Variants in SUN1 observed in about 807,000 individuals in gnomAD.
SUN1 encodes SUN domain-containing protein 1.
SUN1 carries 61 observed loss-of-function variants against 103.2 expected under a neutral mutation model. That is an observed-to-expected ratio of 0.59 (90% CI 0.48 to 0.73). SUN1 has a LOEUF of 0.73. SUN1 is among the 30% of genes least tolerant of loss of function. The pLI is 0.00. For missense variants in SUN1, 1,052 were observed against 1,034.6 expected, an observed-to-expected ratio of 1.02 and a Z score of -0.23; for synonymous variants, 490 against 425.7, an observed-to-expected ratio of 1.15 and a Z score of -1.86.
In SUN1 at chr7:843,393, C is replaced by T. The variant is rs1264934996; in HGVS notation, c.531C>T (p.Ala177=). ...QGNGDVGAAA[A]TAHNGFSCSN... Reference sequence around the variant, plus strand: ...ACGGGGATGTGGGAGCCGCCGCCGCCACCGCGCACAACGGCTTCTCCTGCA... The same window carrying T: ...ACGGGGATGTGGGAGCCGCCGCCGCTACCGCGCACAACGGCTTCTCCTGCA... The change falls in exon 5 of 19, where the codon GCC becomes GCT. Residue 177 remains alanine (A), a synonymous_variant. Transcript: ENST00000401592. The T allele has an allele frequency of 1.2e-6, 2 of 1,611,410 alleles. No homozygotes were observed. The highest frequency in any genetic ancestry group is 2.7e-5 in the African/African-American group (2 of 74,880).
At chr7:862,098 GAGAGCT>G (rs1021567966) in intron 15 of SUN1, among the ~76,000 whole-genome samples, 2 of 152,240 alleles carry the variant, frequency 1.3e-5, no homozygotes, top group African/African-American at 4.8e-5. Context: ...ACCGTGAGAG[GAGAGCT>G]AGACCTGCTT....
At position 874,581 on chromosome 7, in the gene SUN1, CTA is replaced by C. The variant is rs537504774; in HGVS notation, c.*1252_*1253del. The C allele has an allele frequency of 1.9e-3, 288 of 152,586 alleles. 2 individuals carry two copies. Among genetic ancestry groups the C allele is most frequent in the African/African-American group, 6.7e-3 (277 of 41,562 alleles). The allele number at this position is 152,586 out of a possible 1,614,324, so 9.5% of individuals were successfully genotyped here. On this transcript the variant is annotated 3_prime_UTR_variant, in exon 19 of 19. Coordinates refer to ENST00000401592, the MANE Select transcript of SUN1 (RefSeq NM_001130965.3). Reference sequence around the variant, plus strand: ...TCCTCAAATACACTGATGTATGAAACTATTCATACATCAAGCAGCATTTTTTT... The same window carrying C: ...TCCTCAAATACACTGATGTATGAAACTTCATACATCAAGCAGCATTTTTTT...
In SUN1 at chr7:870,853, A is replaced by G. The variant is rs543080900; in HGVS notation, c.2148+1337A>G. On this transcript the variant is annotated intron_variant, in intron 17 of 18. Transcript: ENST00000401592. ...GCATGTTGTACGGCCGAGTCGGTGC[A>G]CTGTGTTACTAGCATTTTCTTTTTA... 3.6e-3 allele frequency among the ~76,000 whole-genome samples: 543 copies of G among 150,618 alleles called. 3 individuals are homozygous for G. The highest frequency in any genetic ancestry group is 0.012 in the African/African-American group (499 of 40,850).
intron 1 of SUN1, among the ~76,000 whole-genome samples, chr7:817,903 C>A (rs1782330120): frequency 6.6e-6 from 1 of 152,074 alleles, no homozygotes; most frequent in Non-Finnish European, 1.5e-5. Flanking sequence ...TTGTCTTTCT[C>A]CCATTTAATG....
intron 5 of SUN1, chr7:843,916 A>G (rs535615804): frequency 2.6e-6 from 3 of 1,142,676 alleles, no homozygotes; most frequent in African/African-American, 3.2e-5. Flanking sequence ...TGGTTATGCC[A>G]GTGTTCGTGT....
At chr7:873,091 A>G (rs573886627) in intron 18 of SUN1, 124 bp from the exon 19 acceptor site, 3 of 900,946 alleles carry the variant, frequency 3.3e-6, no homozygotes, top group East Asian at 2.4e-5. Flanking sequence ...TGTCTCAACA[A>G]CAACAACAAA....
intron 1 of SUN1, among the ~76,000 whole-genome samples, chr7:824,310 G>A (rs1789241279): frequency 1.3e-5 from 2 of 152,200 alleles, no homozygotes; most frequent in African/African-American, 4.8e-5. Context: ...GACCCAGCAC[G>A]GGCTCTGCAG....
Position 852,887 on chromosome 7 carries a change from C to G in SUN1, c.988C>G (p.Gln330Glu). ...GAACTGGGCAAGCATGCATAGAACA[C>G]AGCGGGTGGATGACCCCCAGGACGT... ...VLNWASMHRT[Q>E]RVDDPQDVFK... Residue 330 changes from glutamine (Q) to glutamate (E), a missense_variant, in exon 9 of 19, where the codon CAG (glutamine) becomes GAG (glutamate). By Grantham distance (29) the Gln-to-Glu change is conservative. Transcript: ENST00000401592. The G allele has an allele frequency of 6.2e-7, 1 of 1,614,130 alleles. No homozygotes were observed. Among genetic ancestry groups the G allele is most frequent in the Non-Finnish European group, 8.5e-7 (1 of 1,180,030 alleles).
At chr7:865,201 C>T (rs957905528) in intron 15 of SUN1, among the ~76,000 whole-genome samples, 9 of 151,878 alleles carry the variant, frequency 5.9e-5, no homozygotes, top group Admixed American at 2.6e-4. Context: ...GGCTCACTAC[C>T]GGTTCAAGCG....
upstream of SUN1, among the ~76,000 whole-genome samples, chr7:831,771 T>C (rs1040147074): frequency 6.6e-6 from 1 of 152,242 alleles, no homozygotes; most frequent in Admixed American, 6.5e-5. Flanking sequence ...GTTCTTTTAG[T>C]TATATCTCCC....
chr7:834,912 C>T (rs912013753), intron 1 of SUN1, among the ~76,000 whole-genome samples: 2 of 152,054 alleles, frequency 1.3e-5, no homozygotes, highest in Admixed American at 1.3e-4. Context: ...CCCGTCTCTA[C>T]TAAAAATACA....
chr7:827,533 A>C (rs1457530460), upstream of SUN1, among the ~76,000 whole-genome samples: 1 of 144,626 alleles, frequency 6.9e-6, no homozygotes, highest in Non-Finnish European at 1.5e-5. Flanking sequence ...GCAGTGGCGC[A>C]ATCTCGGCTC....
chr7:821,327 G>A (rs10950608), intron 1 of SUN1, among the ~76,000 whole-genome samples: 57,942 of 151,594 alleles, frequency 0.38, 11,374 homozygotes, highest in African/African-American at 0.47. Context: ...ACGCCACCAC[G>A]CCCAGCTAAG....
intron 2 of SUN1, 120 bp downstream of exon 2, chr7:839,106 T>TACAC: frequency 2.5e-5 from 25 of 1,013,248 alleles, no homozygotes; most frequent in Non-Finnish European, 3.1e-5. Context: ...TGTGTGTATG[T>TACAC]GCGTGTACAG....
chr7:870,203 T>TC (rs1178484807), intron 17 of SUN1, among the ~76,000 whole-genome samples: 142 of 71,190 alleles, frequency 2.0e-3, no homozygotes, highest in Middle Eastern at 0.018. Flanking sequence ...AGACCCTGTC[T>TC]TTAAAAAAAA....
intron 13 of SUN1, among the ~76,000 whole-genome samples, chr7:858,936 C>T (rs958088410): frequency 6.6e-6 from 1 of 152,114 alleles, no homozygotes; most frequent in African/African-American, 2.4e-5. Context: ...GGCGGATCAC[C>T]TGAGGTCAGA....
rs183909760 is a variant in SUN1, at chr7:839,662, C to A, written c.266+676C>A. On this transcript the variant is annotated intron_variant, in intron 2 of 18. Coordinates refer to ENST00000401592, the MANE Select transcript of SUN1 (RefSeq NM_001130965.3). ...CTGCCTCCCGGGTTCAAGAGATTCT[C>A]CTGCCTCAGCCTCCCGAGTAGCTGG... Among the ~76,000 whole-genome samples the A allele has an allele frequency of 4.4e-5, 5 of 113,338 alleles. 2 individuals carry two copies. The highest frequency in any genetic ancestry group is 3.7e-4 in the East Asian group (1 of 2,736). 74.4% of individuals were successfully genotyped at this position (113,338 alleles called of 152,430 possible).
rs180671843 is a variant in SUN1 at position 851,795 on chromosome 7, C to T, written c.758-155C>T. The T allele has an allele frequency of 5.6e-5, 40 of 711,036 alleles. No individual in the cohort carries two copies. In the East Asian group the frequency reaches 1.0e-3, roughly 18 times the overall value. The allele number at this position is 711,036 out of a possible 1,614,324, so 44.0% of individuals were successfully genotyped here. The stretch of plus-strand genomic sequence containing the variant: ...GTTCATCAGCATGATACGTTACTGC[C>T]TTGCTTCCTGCCGTGGCGACTAGCA... On this transcript the variant is annotated intron_variant, in intron 6 of 18. Transcript: ENST00000401592.
At chr7:827,502 C>T (rs1332708391), upstream of SUN1, among the ~76,000 whole-genome samples, 3 of 148,448 alleles carry the variant, frequency 2.0e-5, no homozygotes, top group Admixed American at 6.8e-5. Flanking sequence ...TGGGGTCACG[C>T]TCTGTCCCCC....
Sources: allele counts gnomAD v4.1 joint callset (sites outside exome capture counted in the v4.1 genomes callset), GRCh38; gene constraint gnomAD v4.1.1; transcripts MANE v1.5; gene names NCBI Gene and HGNC (gene_info 2026-07-23, HGNC 2026-07-21).